Variants in ATG2B observed in about 807,000 individuals in gnomAD.
The protein encoded by ATG2B is autophagy-related protein 2 homolog B.
In ATG2B, 121 loss-of-function variants were observed where a neutral mutation model predicts 241.3. That is an observed-to-expected ratio of 0.50 (90% CI 0.43 to 0.58). The LOEUF (loss-of-function observed/expected upper bound fraction) is 0.58. ATG2B is among the 20% of genes least tolerant of loss of function. The probability of loss-of-function intolerance (pLI) is 0.00; values close to 1 mark genes in which losing one functional copy is unlikely to be tolerated. For missense variants in ATG2B, 2,306 were observed against 2,491.6 expected (o/e 0.93, Z 1.59); for synonymous variants, 858 against 876.6 (o/e 0.98, Z 0.37).
At chr14:96,304,748 C>A in intron 31 of ATG2B, 145 bp from the exon 32 acceptor site, 1 of 586,672 alleles carries the variant, frequency 1.7e-6, no homozygotes, top group Non-Finnish European at 3.0e-6. Context: ...TACTAGAAAC[C>A]AAAACCGTAT....
chr14:96,295,681 T>C, intron 34 of ATG2B, 121 bp from the exon 35 acceptor site: 1 of 595,272 alleles, frequency 1.7e-6, no homozygotes, highest in Non-Finnish European at 2.9e-6. Flanking sequence ...CTACAATTTA[T>C]TGAATTCTTT....
rs774468600 is a variant in ATG2B at position 96,313,085 on chromosome 14, A to G, written c.3822T>C (p.Asp1274=). 1 of 1,611,942 alleles carries G rather than the reference A, an allele frequency of 6.2e-7. No homozygotes were observed. The highest frequency in any genetic ancestry group is 2.2e-5 in the East Asian group (1 of 44,792). ...TFSVSSSVAL[D]KSSSTLRIIL... is the part of the protein sequence containing the mutation. ...GGTACCTGAGAGTAGAGGAAGATTT[A>G]TCCAATGCAACGCTACTGGAAACAC... The change falls in exon 25 of 42, where the codon GAT becomes GAC. Residue 1274 remains aspartate (D), a synonymous_variant. Transcript: ENST00000359933.
rs565686611 is a variant in ATG2B, at chr14:96,289,860, C to T, written c.5857-55G>A. On this transcript the variant is annotated intron_variant, in intron 40 of 41. Transcript: ENST00000359933. This position sits in a 1 kb window ranked among gnomAD's most constrained non-coding sequence, Gnocchi z 4.3. ...AATTAGAAGAAAGTCTGAAGAGTTA[C>T]GGACCAGCAGAGCACTTCCTACAGG... 6.7e-5 allele frequency: 106 copies of T among 1,591,814 alleles called. No homozygotes were observed. In the African/African-American group the frequency reaches 9.4e-4, roughly 14 times the overall value.
intron 1 of ATG2B, among the ~76,000 whole-genome samples, chr14:96,362,193 G>T (rs1271276127): frequency 6.6e-6 from 1 of 152,052 alleles, no homozygotes; most frequent in Non-Finnish European, 1.5e-5. Context: ...GGAGCAAAGA[G>T]GCATAACTCA....
chr14:96,302,992 C>T, intron 33 of ATG2B, 69 bp downstream of exon 33: 1 of 1,224,622 alleles, frequency 8.2e-7, no homozygotes, highest in Non-Finnish European at 1.1e-6. Flanking sequence ...CTTTAACTCT[C>T]CTGAAGTTAG....
rs111654689 is a variant in ATG2B at position 96,355,721 on chromosome 14, C to T, written c.162+7094G>A. On this transcript the variant is annotated intron_variant, in intron 1 of 41. Coordinates refer to ENST00000359933, the MANE Select transcript of ATG2B (RefSeq NM_018036.7). Reference sequence around the variant, plus strand: ...TACAATGATGAGCTCTATAAAGGAACTCAAGGTGTGCTTGACAATATGAAA... The same window carrying T: ...TACAATGATGAGCTCTATAAAGGAATTCAAGGTGTGCTTGACAATATGAAA... Among the ~76,000 whole-genome samples, 247 of 152,082 alleles carry T rather than the reference C, an allele frequency of 1.6e-3. 1 individual carries two copies. Among genetic ancestry groups the T allele is most frequent in the Non-Finnish European group, 2.5e-3 (173 of 67,990 alleles).
chr14:96,302,239 T>C lies in ATG2B; in HGVS notation c.5038-131A>G, dbSNP rs1886812988. ...AGAAAAAGAGGAATTGTTTACCCTC[T>C]TTCCTTAAAAGTCTGAATCAAACAT... On this transcript the variant is annotated intron_variant, in intron 33 of 41. Transcript: ENST00000359933. 10 of 612,748 alleles carry C rather than the reference T, an allele frequency of 1.6e-5. No homozygotes were observed. In the South Asian group the frequency reaches 1.8e-4, roughly 11 times the overall value. 38.0% of individuals were successfully genotyped at this position (612,748 alleles called of 1,614,324 possible). A position where few individuals can be genotyped will look rare whatever the true frequency, so the allele number is the denominator to read the frequency against.
intron 1 of ATG2B, among the ~76,000 whole-genome samples, chr14:96,356,585 T>C (rs1229336338): frequency 6.6e-6 from 1 of 152,118 alleles, no homozygotes; most frequent in Admixed American, 6.6e-5. Flanking sequence ...AAAAATGCAG[T>C]CAAGGATCAC....
At chr14:96,293,836 C>A (rs766560588) in intron 36 of ATG2B, among the ~76,000 whole-genome samples, 5 of 151,822 alleles carry the variant, frequency 3.3e-5, no homozygotes, top group Non-Finnish European at 7.4e-5. Flanking sequence ...AAATGGGTAA[C>A]CCTACTTCCT....
intron 1 of ATG2B, among the ~76,000 whole-genome samples, chr14:96,350,259 A>G (rs984082324): frequency 2.6e-5 from 4 of 152,240 alleles, no homozygotes; most frequent in Admixed American, 2.6e-4. Flanking sequence ...GGCTTAAGAC[A>G]GAACTCATAG....
Position 96,285,352 on chromosome 14 carries a change from A to AT in ATG2B, c.*402dup, listed in dbSNP as rs1383329206. ...GCTTCCCCTGTGGCTTCTGTCTCTC[A>AT]TTTTCAGTTAAAAGTTCCGAAGCTG... On this transcript the variant is annotated 3_prime_UTR_variant, in exon 42 of 42. Coordinates refer to ENST00000359933, the MANE Select transcript of ATG2B (RefSeq NM_018036.7). This position sits in a 1 kb window ranked among gnomAD's most constrained non-coding sequence, Gnocchi z 4.2. 1 of 163,940 alleles carries AT rather than the reference A, an allele frequency of 6.1e-6. No homozygotes were observed. The highest frequency in any genetic ancestry group is 1.3e-5 in the Non-Finnish European group (1 of 75,196). The allele number at this position is 163,940 out of a possible 1,614,324, so 10.2% of individuals were successfully genotyped here.
rs1263546481 is a variant in ATG2B, at chr14:96,281,145, G to A, written c.*4610C>T. On this transcript the variant is annotated 3_prime_UTR_variant, in exon 42 of 42. Coordinates refer to ENST00000359933, the MANE Select transcript of ATG2B (RefSeq NM_018036.7). ...GCTATCAGAAGCATCAGGGGCACTG[G>A]AACATCATTTCCCAATAACAAGGTC... 2 of 152,054 alleles carry A rather than the reference G, an allele frequency of 1.3e-5. No individual in the cohort carries two copies. The allele number at this position is 152,054 out of a possible 1,614,324, so 9.4% of individuals were successfully genotyped here.
chr14:96,314,670 CTGTTTTGTTT>C lies in ATG2B; in HGVS notation c.3642+474_3642+483del, dbSNP rs67718533. On this transcript the variant is annotated intron_variant, in intron 23 of 41. Transcript: ENST00000359933. The stretch of plus-strand genomic sequence containing the variant: ...CCAATTACATTCTGAGGTGATAATA[CTGTTTTGTTT>C]TGTTTTGTTTTGTTTTGTTTTGTTT... 5.8e-3 allele frequency among the ~76,000 whole-genome samples: 875 copies of C among 151,454 alleles called. 33 individuals are homozygous for C. In the South Asian group the frequency reaches 0.07, roughly 12 times the overall value.
intron 35 of ATG2B, among the ~76,000 whole-genome samples, 154 bp downstream of exon 35, chr14:96,295,328 T>C (rs1209757560): frequency 6.6e-6 from 1 of 152,266 alleles, no homozygotes; most frequent in East Asian, 1.9e-4. Context: ...ATTACTTTTA[T>C]ATAAACAGTA....
chr14:96,282,407 A>C lies in ATG2B; in HGVS notation c.*3348T>G. On this transcript the variant is annotated 3_prime_UTR_variant, in exon 42 of 42. Coordinates refer to ENST00000359933, the MANE Select transcript of ATG2B (RefSeq NM_018036.7). ...GTCTTAAGGAGGTCAAAAGTAATGA[A>C]GGAAAACAGAAGGGGAGTGCTCGTT... The C allele has an allele frequency of 6.6e-6, 1 of 152,280 alleles. No individual in the cohort carries two copies. The highest frequency in any genetic ancestry group is 1.9e-4 in the East Asian group (1 of 5,202). The allele number at this position is 152,280 out of a possible 1,614,324, so 9.4% of individuals were successfully genotyped here. A position where few individuals can be genotyped will look rare whatever the true frequency, so the allele number is the denominator to read the frequency against.
chr14:96,326,055 T>G (rs562944996), intron 14 of ATG2B, 133 bp from the exon 15 acceptor site: 1 of 834,382 alleles, frequency 1.2e-6, no homozygotes, highest in East Asian at 2.9e-5. Flanking sequence ...CAATTCAAAT[T>G]AACCACTACC....
At position 96,347,220 on chromosome 14, in the gene ATG2B, A is replaced by C; in HGVS notation, c.284T>G (p.Val95Gly). The C allele has an allele frequency of 6.2e-7, 1 of 1,607,238 alleles. No individual in the cohort carries two copies. The highest frequency in any genetic ancestry group is 8.5e-7 in the Non-Finnish European group (1 of 1,174,786). The change falls in exon 2 of 42, where the codon GTG becomes GGG. Residue 95 changes from valine to glycine, a missense_variant. Physicochemically the swap from Val to Gly is moderately radical, Grantham distance 109 (BLOSUM62 -3). Around this residue, in one of 2 missense-constraint regions of ATG2B, gnomAD observed 1,927 missense variants for 2,011.2 expected, o/e 0.96. Transcript: ENST00000359933. ...SLLQDNCALEVRGLEMVFRPR... is the reference protein window; with the variant it reads ...SLLQDNCALEGRGLEMVFRPR... ...CCGGAAGACCATTTCTAATCCTCTC[A>C]CTTCCAGTGCACAATTATCCTGCAG...
intron 34 of ATG2B, among the ~76,000 whole-genome samples, chr14:96,297,149 A>G (rs995021566): frequency 1.3e-5 from 2 of 152,058 alleles, no homozygotes; most frequent in Admixed American, 1.3e-4. Flanking sequence ...TTCATATTAT[A>G]CCAAATATTA....
At chr14:96,326,974 T>C (rs963141631) in intron 14 of ATG2B, among the ~76,000 whole-genome samples, 3 of 152,184 alleles carry the variant, frequency 2.0e-5, no homozygotes, top group African/African-American at 7.2e-5. Flanking sequence ...CAATTGCATA[T>C]ATAGTTACAG....
Sources: gnomAD v4.1 joint callset for allele counts (sites outside exome capture counted in the v4.1 genomes callset) on GRCh38, gnomAD v4.1.1 for gene constraint, gnomAD v4.1.1 regional missense constraint, Gnocchi (gnomAD v3.1) non-coding constraint, MANE v1.5 for transcripts, NCBI Gene and HGNC (gene_info 2026-07-23, HGNC 2026-07-21) for gene names.